TRIO: variants seen among roughly 807,000 people sequenced by gnomAD.
TRIO encodes the protein triple functional domain protein.
TRIO carries 58 observed loss-of-function variants against 351.9 expected under a neutral mutation model. That is an observed-to-expected ratio of 0.16 (90% CI 0.13 to 0.21). The LOEUF (loss-of-function observed/expected upper bound fraction) is 0.21. Among genes scored for constraint, TRIO ranks in the 10% least tolerant of loss-of-function variants. TRIO has a pLI of 1.00. For synonymous variants in TRIO, 1,758 were observed against 1,595.7 expected (o/e 1.10, Z -2.42); for missense variants, 3,201 against 4,027.8 (o/e 0.79, Z 5.56).
Position 14,484,661 on chromosome 5 carries a change from G to A in TRIO, c.6658-408G>A, listed in dbSNP as rs144156336. 4.4e-4 allele frequency among the ~76,000 whole-genome samples: 67 copies of A among 152,166 alleles called. 1 individual carries two copies. Among genetic ancestry groups the A allele is most frequent in the African/African-American group, 1.5e-3 (62 of 41,488 alleles). The stretch of plus-strand genomic sequence containing the variant: ...CATCTTTAATTACCTAGCTCCATGG[G>A]ATTAAGAACATTCATGTTTTGCAGC... On this transcript the variant is annotated intron_variant, in intron 46 of 56. Coordinates refer to ENST00000344204, the MANE Select transcript of TRIO (RefSeq NM_007118.4).
At chr5:14,182,928 G>A (rs565420247) in intron 1 of TRIO, among the ~76,000 whole-genome samples, 8 of 151,046 alleles carry the variant, frequency 5.3e-5, no homozygotes, top group South Asian at 2.1e-4. Flanking sequence ...AGGCATTTGC[G>A]TGCCCCTGCC....
At chr5:14,263,743 A>ATG (rs1020825470) in intron 1 of TRIO, among the ~76,000 whole-genome samples, 14 of 152,126 alleles carry the variant, frequency 9.2e-5, no homozygotes, top group African/African-American at 3.4e-4. Context: ...ATGTGCATGT[A>ATG]TGTGTGTGTG....
At chr5:14,321,990 CT>C (rs1739934041) in intron 9 of TRIO, among the ~76,000 whole-genome samples, 1 of 151,994 alleles carries the variant, frequency 6.6e-6, no homozygotes, top group Non-Finnish European at 1.5e-5. Flanking sequence ...AATGTTTTTC[CT>C]TTGTAAATTA....
intron 10 of TRIO, among the ~76,000 whole-genome samples, chr5:14,334,996 G>C (rs1487707351): frequency 6.6e-6 from 1 of 151,778 alleles, no homozygotes; most frequent in Non-Finnish European, 1.5e-5. Flanking sequence ...TGTTCCATAG[G>C]TGAAAGCTGC....
rs1208451334 is a variant in TRIO, at chr5:14,489,203, C to T, written c.7632+943C>T. ...TAGCTTTTGCATGTCTTTCTCTTTCCTCTGGACTTATTAATGCCTTAATTG... is the reference window on the plus strand; with the variant it reads ...TAGCTTTTGCATGTCTTTCTCTTTCTTCTGGACTTATTAATGCCTTAATTG... On this transcript the variant is annotated intron_variant, in intron 48 of 56. Transcript: ENST00000344204. The T allele has an allele frequency of 7.0e-6, 4 of 568,000 alleles. No individual in the cohort carries two copies. The East Asian group carries it at 1.1e-4, about 16-fold the overall frequency. 35.2% of individuals were successfully genotyped at this position (568,000 alleles called of 1,614,324 possible).
At chr5:14,273,088 C>T (rs1414275711) in intron 2 of TRIO, among the ~76,000 whole-genome samples, 1 of 152,146 alleles carries the variant, frequency 6.6e-6, no homozygotes, top group South Asian at 2.1e-4. Context: ...CCCATATCCA[C>T]CCCCAAGCCC....
intron 1 of TRIO, among the ~76,000 whole-genome samples, chr5:14,236,799 C>G (rs1793793128): frequency 3.3e-5 from 5 of 152,164 alleles, no homozygotes; most frequent in Admixed American, 2.6e-4. Context: ...GTGCAGCCAT[C>G]ATCGCCAGAA....
chr5:14,442,277 C>T lies in TRIO; in HGVS notation c.5204-18742C>T, dbSNP rs545805932. On this transcript the variant is annotated intron_variant, in intron 34 of 56. Coordinates refer to ENST00000344204, the MANE Select transcript of TRIO (RefSeq NM_007118.4). Reference sequence around the variant, plus strand: ...TATGCTTCGGAAGTGGGCGGCAAGACGCAGAGAGCCAAGGGGATTTGCTGA... The same window carrying T: ...TATGCTTCGGAAGTGGGCGGCAAGATGCAGAGAGCCAAGGGGATTTGCTGA... 3.3e-5 allele frequency among the ~76,000 whole-genome samples: 5 copies of T among 152,138 alleles called. No individual in the cohort carries two copies. In the East Asian group the frequency reaches 7.7e-4, roughly 23 times the overall value.
chr5:14,337,927 C>T (rs1484323877), intron 11 of TRIO, among the ~76,000 whole-genome samples: 1 of 152,276 alleles, frequency 6.6e-6, no homozygotes, highest in Admixed American at 6.5e-5. Flanking sequence ...TTCTTGGTCC[C>T]GAGATGGTCA....
chr5:14,259,802 G>A (rs1233516270), intron 1 of TRIO, among the ~76,000 whole-genome samples: 1 of 149,842 alleles, frequency 6.7e-6, no homozygotes, highest in East Asian at 1.9e-4. Context: ...TTTTTTTTGA[G>A]TTGTCATAAT....
intron 34 of TRIO, among the ~76,000 whole-genome samples, chr5:14,454,932 G>A (rs1050855465): frequency 2.6e-5 from 4 of 152,148 alleles, no homozygotes; most frequent in African/African-American, 9.7e-5. Context: ...CAGGAGTGAA[G>A]CTGCAGACCT....
chr5:14,507,017 C>T (rs1757736247), intron 55 of TRIO, 105 bp from the exon 56 acceptor site: 1 of 1,408,992 alleles, frequency 7.1e-7, no homozygotes, highest in Non-Finnish European at 9.3e-7. Context: ...ATCCCGATGA[C>T]ACATTCATAA....
intron 1 of TRIO, among the ~76,000 whole-genome samples, chr5:14,183,544 A>G (rs963974841): frequency 3.9e-5 from 6 of 151,930 alleles, no homozygotes; most frequent in African/African-American, 1.2e-4. Context: ...GAAAACAATA[A>G]ACTCCTCCCT....
At chr5:14,223,801 G>A (rs1345621892) in intron 1 of TRIO, among the ~76,000 whole-genome samples, 5 of 152,080 alleles carry the variant, frequency 3.3e-5, no homozygotes, top group Admixed American at 3.3e-4. Context: ...TAATATTTTA[G>A]GCTCAAATTC....
intron 37 of TRIO, among the ~76,000 whole-genome samples, chr5:14,468,249 A>C (rs1754417831): frequency 6.6e-6 from 1 of 152,248 alleles, no homozygotes; most frequent in African/African-American, 2.4e-5. Context: ...AGTGAAACTG[A>C]GTTGTTTCTG....
intron 1 of TRIO, among the ~76,000 whole-genome samples, chr5:14,197,699 A>G (rs1044444878): frequency 6.6e-6 from 1 of 152,202 alleles, no homozygotes; most frequent in African/African-American, 2.4e-5. Flanking sequence ...AGAGGACTTT[A>G]TTATTCACAG....
intron 20 of TRIO, among the ~76,000 whole-genome samples, chr5:14,379,648 G>C (rs1019980640): frequency 6.6e-6 from 1 of 152,212 alleles, no homozygotes; most frequent in African/African-American, 2.4e-5. Context: ...GATGGTTTCA[G>C]GTTCTTTTCT....
intron 34 of TRIO, among the ~76,000 whole-genome samples, chr5:14,426,976 T>C (rs1432331616): frequency 6.6e-6 from 1 of 152,210 alleles, no homozygotes; most frequent in Non-Finnish European, 1.5e-5. Flanking sequence ...TTACCAGGGT[T>C]ACTCCTCAGA....
intron 29 of TRIO, 119 bp from the exon 30 acceptor site, chr5:14,398,761 T>G (rs1426620870): frequency 1.0e-6 from 1 of 952,650 alleles, no homozygotes; most frequent in East Asian, 2.6e-5. Flanking sequence ...TGGGAAACTC[T>G]TATCTAGGGT....
Sources: allele counts gnomAD v4.1 joint callset (sites outside exome capture counted in the v4.1 genomes callset), GRCh38; gene constraint gnomAD v4.1.1; transcripts MANE v1.5; gene names NCBI Gene and HGNC (gene_info 2026-07-23, HGNC 2026-07-21).